WASF1: variants seen among roughly 807,000 people sequenced by gnomAD.
WASF1 encodes WASP family member 1, also known as actin-binding protein WASF1.
In WASF1, 7 loss-of-function variants were observed where a neutral mutation model predicts 50.5. The ratio of observed to expected loss-of-function variants is 0.14; its 90% CI spans 0.08 to 0.26. The LOEUF is 0.26. Among genes scored for constraint, WASF1 ranks in the 10% least tolerant of loss-of-function variants. The pLI is 1.00. For synonymous variants in WASF1, 205 were observed against 244.0 expected, an observed-to-expected ratio of 0.84 and a Z score of 1.49; for missense variants, 470 against 694.7, an observed-to-expected ratio of 0.68 and a Z score of 3.64.
intron 7 of WASF1, 69 bp downstream of exon 7, chr6:110,107,008 A>G (rs1422877962): frequency 9.3e-7 from 1 of 1,079,638 alleles, no homozygotes; most frequent in East Asian, 2.4e-5. Context: ...AAGATTAATG[A>G]AGTTCAATAT....
At chr6:110,151,777 A>T (rs58189661) in intron 3 of WASF1, among the ~76,000 whole-genome samples, 2,946 of 152,268 alleles carry the variant, frequency 0.019, 93 homozygotes, top group African/African-American at 0.067. Context: ...AAAGAAAATT[A>T]AAAAATATAG....
At chr6:110,119,633 C>A (rs572326967) in intron 4 of WASF1, among the ~76,000 whole-genome samples, 1 of 152,166 alleles carries the variant, frequency 6.6e-6, no homozygotes, top group Non-Finnish European at 1.5e-5. Flanking sequence ...TGGTACCATT[C>A]CTTCTAAAAC....
chr6:110,110,563 G>A (rs143644379), intron 5 of WASF1, among the ~76,000 whole-genome samples: 22 of 152,128 alleles, frequency 1.4e-4, no homozygotes, highest in African/African-American at 5.1e-4. Flanking sequence ...CTCATTTATC[G>A]TTTGTCTTAT....
At chr6:110,123,868 T>C (rs1774246963) in intron 4 of WASF1, among the ~76,000 whole-genome samples, 1 of 152,116 alleles carries the variant, frequency 6.6e-6, no homozygotes, top group African/African-American at 2.4e-5. Flanking sequence ...AAAAGACTAA[T>C]CTTGGCAATA....
At chr6:110,175,825 T>C (rs1283621760) in intron 2 of WASF1, among the ~76,000 whole-genome samples, 1 of 152,150 alleles carries the variant, frequency 6.6e-6, no homozygotes, top group Non-Finnish European at 1.5e-5. Context: ...GAGTTACAGA[T>C]CCTAGCATTT....
intron 3 of WASF1, among the ~76,000 whole-genome samples, chr6:110,144,336 G>T (rs950940677): frequency 1.5e-4 from 23 of 151,760 alleles, no homozygotes; most frequent in African/African-American, 3.4e-4. Context: ...TAAATTTGTT[G>T]GAGTTCATTG....
At chr6:110,150,358 A>C (rs1775769885) in intron 3 of WASF1, among the ~76,000 whole-genome samples, 1 of 152,246 alleles carries the variant, frequency 6.6e-6, no homozygotes, top group Admixed American at 6.5e-5. Flanking sequence ...AGAGAATGAA[A>C]TCAAAACCAG....
At chr6:110,113,257 AAGTAT>A in intron 5 of WASF1, 64 bp downstream of exon 5, 1 of 1,299,880 alleles carries the variant, frequency 7.7e-7, no homozygotes, top group South Asian at 2.0e-5. Context: ...TAATACTGTT[AAGTAT>A]ATCATTCATC....
At position 110,118,296 on chromosome 6, in the gene WASF1, C is replaced by T. The variant is rs183740613; in HGVS notation, c.134-4836G>A. Among the ~76,000 whole-genome samples, 9 of 124,030 alleles carry T rather than the reference C, an allele frequency of 7.3e-5. No homozygotes were observed. The East Asian group carries it at 2.4e-3, about 34-fold the overall frequency. The allele number at this position is 124,030 out of a possible 152,430, so 81.4% of individuals were successfully genotyped here. ...TCACATGCTCACATGCAAAGATGCA[C>T]ATAGGCTCCAAATAAAGGGAAAGAG... is the stretch of plus-strand genomic sequence containing the variant. On this transcript the variant is annotated intron_variant, in intron 4 of 10. Transcript: ENST00000392589.
chr6:110,140,102 AG>A (rs1775158139), intron 3 of WASF1, among the ~76,000 whole-genome samples: 1 of 152,166 alleles, frequency 6.6e-6, no homozygotes, highest in Non-Finnish European at 1.5e-5. Context: ...TGGAACTTTC[AG>A]CCCCATCCCC....
intron 3 of WASF1, among the ~76,000 whole-genome samples, chr6:110,138,763 A>C (rs1042543133): frequency 1.3e-5 from 2 of 152,180 alleles, no homozygotes; most frequent in African/African-American, 4.8e-5. Context: ...TGGGCTCAGA[A>C]GGGAGGAAGA....
At chr6:110,107,954 C>T (rs1301689682) in intron 6 of WASF1, among the ~76,000 whole-genome samples, 1 of 151,732 alleles carries the variant, frequency 6.6e-6, no homozygotes, top group African/African-American at 2.4e-5. Flanking sequence ...ATCACGAGGT[C>T]AGATCGAGAC....
intron 4 of WASF1, among the ~76,000 whole-genome samples, chr6:110,125,924 T>G (rs1774397872): frequency 6.6e-6 from 1 of 152,216 alleles, no homozygotes; most frequent in Admixed American, 6.5e-5. Context: ...ATCTTTAAGT[T>G]TTGTAACAAA....
chr6:110,174,885 T>C (rs1228184570), intron 2 of WASF1, among the ~76,000 whole-genome samples: 2 of 152,174 alleles, frequency 1.3e-5, no homozygotes, highest in Non-Finnish European at 2.9e-5. Flanking sequence ...GACTTCTCTT[T>C]TATTCTGTAG....
chr6:110,147,476 A>G (rs1775626791), intron 3 of WASF1, among the ~76,000 whole-genome samples: 1 of 152,234 alleles, frequency 6.6e-6, no homozygotes, highest in Non-Finnish European at 1.5e-5. Flanking sequence ...GAAATAAGCT[A>G]CATACTCAGC....
At chr6:110,138,216 A>G (rs553821740) in intron 3 of WASF1, among the ~76,000 whole-genome samples, 1 of 152,354 alleles carries the variant, frequency 6.6e-6, no homozygotes, top group East Asian at 1.9e-4. Context: ...CGGCTGGACT[A>G]GGTATACCAC....
At chr6:110,120,698 TA>T (rs1562168414) in intron 4 of WASF1, among the ~76,000 whole-genome samples, 1 of 152,190 alleles carries the variant, frequency 6.6e-6, no homozygotes, top group Non-Finnish European at 1.5e-5. Flanking sequence ...TTAAAGTTCA[TA>T]TGGAACAAAA....
Position 110,112,225 on chromosome 6 carries a change from T to C in WASF1, c.268+1101A>G, listed in dbSNP as rs570803321. On this transcript the variant is annotated intron_variant, in intron 5 of 10. Transcript: ENST00000392589. ...TTTATACTAAAAATTAGATCTATCA[T>C]ATAATTTGTGTTTATACTATTTAAT... Among the ~76,000 whole-genome samples the C allele has an allele frequency of 1.8e-4, 28 of 152,224 alleles. 1 individual carries two copies. The South Asian group carries it at 5.4e-3, about 29-fold the overall frequency.
intron 7 of WASF1, among the ~76,000 whole-genome samples, chr6:110,106,054 T>A (rs1773309759): frequency 2.0e-5 from 3 of 152,196 alleles, no homozygotes; most frequent in African/African-American, 7.2e-5. Flanking sequence ...AATAACTATA[T>A]CACTCAACAG....
Sources: gnomAD v4.1 joint callset for allele counts (sites outside exome capture counted in the v4.1 genomes callset) on GRCh38, gnomAD v4.1.1 for gene constraint, MANE v1.5 for transcripts, NCBI Gene and HGNC (gene_info 2026-07-23, HGNC 2026-07-21) for gene names.